Variants in ADGRL2 observed in about 807,000 individuals in gnomAD.
ADGRL2 encodes calcium-independent alpha-latrotoxin receptor 2.
Under a neutral mutation model 157.4 loss-of-function variants are expected in ADGRL2, and 44 were observed. The ratio of observed to expected loss-of-function variants is 0.28; its 90% CI spans 0.22 to 0.36. The LOEUF is 0.36. Among genes scored for constraint, ADGRL2 ranks in the 10% least tolerant of loss-of-function variants. ADGRL2 has a pLI of 1.00. For synonymous variants in ADGRL2, 585 were observed against 624.7 expected (o/e 0.94, Z 0.95); for missense variants, 1,510 against 1,768.9 (o/e 0.85, Z 2.63).
chr1:81,596,799 AAC>A (rs1313680506), intron 3 of ADGRL2, among the ~76,000 whole-genome samples: 1 of 152,038 alleles, frequency 6.6e-6, no homozygotes, highest in Non-Finnish European at 1.5e-5. Flanking sequence ...TTTGAGAGGT[AAC>A]ACACAGGATT....
At chr1:81,616,659 C>CTTTTCTTTTCTTTTA (rs2081654980) in intron 3 of ADGRL2, among the ~76,000 whole-genome samples, 1 of 94,764 alleles carries the variant, frequency 1.1e-5, no homozygotes, top group Non-Finnish European at 2.1e-5. Flanking sequence ...TTTTTTTTTT[C>CTTTTCTTTTCTTTTA]TTTTCTTTTC....
At chr1:81,453,494 A>G (rs2077740783) in intron 2 of ADGRL2, among the ~76,000 whole-genome samples, 1 of 152,110 alleles carries the variant, frequency 6.6e-6, no homozygotes, top group Admixed American at 6.6e-5. Flanking sequence ...TGGTGGGGAG[A>G]CTCACATATG....
At chr1:81,556,804 G>A (rs1284961696) in intron 2 of ADGRL2, among the ~76,000 whole-genome samples, 24 of 151,862 alleles carry the variant, frequency 1.6e-4, no homozygotes, top group Admixed American at 1.2e-3. Flanking sequence ...TAGGCCAGGC[G>A]CGGTGGTTCA....
At chr1:81,608,975 A>G (rs1244737654) in intron 3 of ADGRL2, among the ~76,000 whole-genome samples, 1 of 152,170 alleles carries the variant, frequency 6.6e-6, no homozygotes, top group African/African-American at 2.4e-5. Context: ...TGAGAGGTTT[A>G]CATTGAGAAA....
chr1:81,955,428 A>G lies in ADGRL2; in HGVS notation c.1834-449A>G, dbSNP rs1028051179. Among the ~76,000 whole-genome samples, 9 of 152,282 alleles carry G rather than the reference A, an allele frequency of 5.9e-5. No individual in the cohort carries two copies. The East Asian group carries it at 1.7e-3, about 29-fold the overall frequency. On this transcript the variant is annotated intron_variant, in intron 10 of 23. Transcript: ENST00000686636. ...TTTAGTTGAGATTTCAAAAAATAAT[A>G]TAGTTTAATTTTCAAGCATACATAT...
intron 1 of ADGRL2, among the ~76,000 whole-genome samples, chr1:81,438,934 GCTCTTCTTTTTC>G (rs1320923533): frequency 2.0e-5 from 3 of 151,974 alleles, no homozygotes; most frequent in Non-Finnish European, 4.4e-5. Flanking sequence ...AATCTGGAGT[GCTCTTCTTTTTC>G]CTCTTTGTCC....
intron 1 of ADGRL2, among the ~76,000 whole-genome samples, chr1:81,740,516 A>G (rs1034781657): frequency 6.6e-6 from 1 of 152,218 alleles, no homozygotes; most frequent in Admixed American, 6.5e-5. Context: ...GAAAGCTTCA[A>G]TGCTTTTTGG....
chr1:81,644,566 C>A (rs983345900), intron 3 of ADGRL2, among the ~76,000 whole-genome samples: 3 of 152,170 alleles, frequency 2.0e-5, no homozygotes, highest in Non-Finnish European at 4.4e-5. Context: ...AAGACCTTAA[C>A]AGGCACCTCC....
Position 81,966,129 on chromosome 1 carries a change from G to A in ADGRL2, c.2089G>A (p.Ala697Thr), listed in dbSNP as rs1656975093. Residue 697 changes from alanine (A) to threonine (T), a missense_variant, in exon 12 of 24, where the codon GCA becomes ACA. This residue lies in a region of ADGRL2 where 497 missense variants were observed against 627.2 expected (regional missense o/e 0.79). Transcript: ENST00000686636. ...DFKFPLGIKG[A>T]GSSIQLSANT... ...TAAATTTCCTCTGGGCATCAAAGGA[G>A]CAGGCAGCTCAATCCAACTGTCCGC... 1 of 1,613,834 alleles carries A rather than the reference G, an allele frequency of 6.2e-7. No homozygotes were observed. Among genetic ancestry groups the A allele is most frequent in the African/African-American group, 1.3e-5 (1 of 74,920 alleles).
chr1:81,602,758 C>A (rs939902831), intron 3 of ADGRL2, among the ~76,000 whole-genome samples: 10 of 151,338 alleles, frequency 6.6e-5, no homozygotes, highest in African/African-American at 9.7e-5. Flanking sequence ...ACTAGCCAGA[C>A]GAGATGGCAT....
chr1:81,966,120 A>G lies in ADGRL2; in HGVS notation c.2080A>G (p.Ile694Val). Residue 694 changes from isoleucine to valine, a missense_variant, in exon 12 of 24, where the codon ATC (isoleucine) becomes GTC (valine). This residue lies in a region of ADGRL2 where 497 missense variants were observed against 627.2 expected (regional missense o/e 0.79). Transcript: ENST00000686636. ...QIQDFKFPLGIKGAGSSIQLS... is the reference protein window; with the variant it reads ...QIQDFKFPLGVKGAGSSIQLS... The stretch of plus-strand genomic sequence containing the variant: ...CCAAGACTTTAAATTTCCTCTGGGC[A>G]TCAAAGGAGCAGGCAGCTCAATCCA... 1.9e-6 allele frequency: 3 copies of G among 1,613,974 alleles called. No homozygotes were observed. The highest frequency in any genetic ancestry group is 1.7e-6 in the Non-Finnish European group (2 of 1,179,868).
chr1:81,591,383 C>G (rs967440707), intron 3 of ADGRL2, among the ~76,000 whole-genome samples: 2 of 152,110 alleles, frequency 1.3e-5, no homozygotes, highest in African/African-American at 2.4e-5. Flanking sequence ...CTTTAAAGTT[C>G]TTCCACTTCT....
intron 2 of ADGRL2, among the ~76,000 whole-genome samples, chr1:81,860,899 A>T (rs1279305421): frequency 6.6e-6 from 1 of 151,940 alleles, no homozygotes; most frequent in Non-Finnish European, 1.5e-5. Context: ...TACTTTCAGC[A>T]TGTGATAGGT....
At chr1:81,715,307 C>A (rs1291051528) in intron 1 of ADGRL2, among the ~76,000 whole-genome samples, 1 of 150,010 alleles carries the variant, frequency 6.7e-6, no homozygotes, top group South Asian at 2.1e-4. Flanking sequence ...TTTTTTAATT[C>A]TAAAGAGACA....
intron 1 of ADGRL2, among the ~76,000 whole-genome samples, chr1:81,403,420 C>G (rs2076795738): frequency 6.6e-6 from 1 of 151,966 alleles, no homozygotes; most frequent in Non-Finnish European, 1.5e-5. Flanking sequence ...GAGTACCACC[C>G]ACTCCCAGCT....
intron 1 of ADGRL2, among the ~76,000 whole-genome samples, chr1:81,432,465 T>C (rs973326155): frequency 6.6e-6 from 1 of 152,222 alleles, no homozygotes; most frequent in African/African-American, 2.4e-5. Context: ...TTTCTGTAAT[T>C]ATGTTGATTT....
chr1:81,436,803 T>C (rs1464897269), intron 1 of ADGRL2, among the ~76,000 whole-genome samples: 2 of 152,248 alleles, frequency 1.3e-5, no homozygotes, highest in African/African-American at 4.8e-5. Context: ...CAGGACCTGA[T>C]TGGATCCAAT....
intron 1 of ADGRL2, among the ~76,000 whole-genome samples, chr1:81,393,742 T>G (rs955444902): frequency 6.6e-6 from 1 of 151,602 alleles, no homozygotes; most frequent in African/African-American, 2.4e-5. Flanking sequence ...AAACAAGGAA[T>G]CTACACCATA....
chr1:81,590,262 C>T (rs555226997), intron 3 of ADGRL2, among the ~76,000 whole-genome samples: 3 of 152,214 alleles, frequency 2.0e-5, no homozygotes, highest in South Asian at 2.1e-4. Flanking sequence ...TTGAGACATC[C>T]GATCTCAGCC....
Sources: gnomAD v4.1 joint callset for allele counts (sites outside exome capture counted in the v4.1 genomes callset) on GRCh38, gnomAD v4.1.1 for gene constraint, gnomAD v4.1.1 regional missense constraint, MANE v1.5 for transcripts, NCBI Gene and HGNC (gene_info 2026-07-23, HGNC 2026-07-21) for gene names.